Variants in FCHSD2 observed in about 807,000 individuals in gnomAD.
FCHSD2 encodes F-BAR and double SH3 domains protein 2.
In FCHSD2, 38 loss-of-function variants were observed where a neutral mutation model predicts 108.1. That is an observed-to-expected ratio of 0.35 (90% CI 0.27 to 0.46). The LOEUF (loss-of-function observed/expected upper bound fraction) is 0.46. Among genes scored for constraint, FCHSD2 ranks in the 20% least tolerant of loss-of-function variants. FCHSD2 has a pLI of 1.00. For synonymous variants in FCHSD2, 279 were observed against 314.7 expected (o/e 0.89, Z 1.20); for missense variants, 751 against 897.8 (o/e 0.84, Z 2.09).
At chr11:72,897,241 T>C (rs886972682) in intron 10 of FCHSD2, among the ~76,000 whole-genome samples, 1 of 151,552 alleles carries the variant, frequency 6.6e-6, no homozygotes, top group Non-Finnish European at 1.5e-5. Flanking sequence ...AAATAAGGTA[T>C]AGTTGTCCTT....
At chr11:72,958,965 G>A (rs12795254) in intron 8 of FCHSD2, among the ~76,000 whole-genome samples, 13 of 139,538 alleles carry the variant, frequency 9.3e-5, no homozygotes, top group Non-Finnish European at 1.6e-4. Context: ...CACTCCTACA[G>A]GATATTACAT....
chr11:73,058,945 A>C (rs1859098189), intron 3 of FCHSD2, among the ~76,000 whole-genome samples: 1 of 152,190 alleles, frequency 6.6e-6, no homozygotes, highest in Non-Finnish European at 1.5e-5. Flanking sequence ...ATTGCATATG[A>C]GTTTCCACAG....
chr11:73,054,207 A>G (rs940834744), intron 3 of FCHSD2, among the ~76,000 whole-genome samples: 1 of 151,180 alleles, frequency 6.6e-6, no homozygotes, highest in Non-Finnish European at 1.5e-5. Context: ...AATATTTACT[A>G]TCTGGTCCTT....
At chr11:72,972,614 T>C (rs1387420608) in intron 8 of FCHSD2, among the ~76,000 whole-genome samples, 1 of 152,246 alleles carries the variant, frequency 6.6e-6, no homozygotes, top group Non-Finnish European at 1.5e-5. Flanking sequence ...TATTTCGAAA[T>C]AATTACTTTA....
At chr11:73,141,769 G>A (rs948663584) in intron 1 of FCHSD2, 88 bp downstream of exon 1, 5 of 1,389,856 alleles carry the variant, frequency 3.6e-6, no homozygotes, top group Middle Eastern at 1.8e-4. Context: ...GGCCCCTTGC[G>A]GGAGGGGGAA....
At chr11:73,095,716 G>A (rs1218750808) in intron 2 of FCHSD2, among the ~76,000 whole-genome samples, 1 of 152,164 alleles carries the variant, frequency 6.6e-6, no homozygotes, top group Admixed American at 6.5e-5. Context: ...AACAACAAAA[G>A]CAGGGAACAT....
intron 9 of FCHSD2, among the ~76,000 whole-genome samples, chr11:72,920,002 C>T (rs921384393): frequency 6.6e-6 from 1 of 151,830 alleles, no homozygotes; most frequent in Non-Finnish European, 1.5e-5. Context: ...CAGAAAGACA[C>T]TTTTTTAAAA....
intron 5 of FCHSD2, among the ~76,000 whole-genome samples, chr11:72,989,953 G>C (rs1271505157): frequency 1.3e-5 from 2 of 152,196 alleles, no homozygotes; most frequent in African/African-American, 2.4e-5. Flanking sequence ...GGTGAATAGT[G>C]TGGAGGAGGG....
At chr11:73,127,378 G>A (rs926144114) in intron 2 of FCHSD2, among the ~76,000 whole-genome samples, 2 of 151,966 alleles carry the variant, frequency 1.3e-5, no homozygotes, top group Non-Finnish European at 2.9e-5. Flanking sequence ...ACCAGCTAAG[G>A]TTCCATAAAT....
chr11:72,921,737 A>T, intron 9 of FCHSD2, 91 bp downstream of exon 9: 1 of 1,034,002 alleles, frequency 9.7e-7, no homozygotes, highest in Non-Finnish European at 1.4e-6. Flanking sequence ...GCATTCTTCT[A>T]ATATCACTAG....
At chr11:72,971,867 TACATA>T (rs1857012240) in intron 8 of FCHSD2, among the ~76,000 whole-genome samples, 1 of 152,162 alleles carries the variant, frequency 6.6e-6, no homozygotes, top group Admixed American at 6.5e-5. Flanking sequence ...GGTGATTTGT[TACATA>T]GCAACGGAAA....
At position 72,952,795 on chromosome 11, in the gene FCHSD2, A is replaced by G. The variant is rs75964225; in HGVS notation, c.706-30845T>C. 5.8e-3 allele frequency among the ~76,000 whole-genome samples: 879 copies of G among 152,346 alleles called. 4 individuals are homozygous for G. Among genetic ancestry groups the G allele is most frequent in the South Asian group, 0.014 (66 of 4,824 alleles). On this transcript the variant is annotated intron_variant, in intron 8 of 19. Coordinates refer to ENST00000409418, the MANE Select transcript of FCHSD2 (RefSeq NM_014824.3). ...CACTTACACATATTTACAATTCATG[A>G]AAAGGATATTGTTCACCTTATTTCC...
rs1298431512 is a variant in FCHSD2, at chr11:73,105,727, TTG to T, written c.120-21989_120-21988del. 4.6e-5 allele frequency among the ~76,000 whole-genome samples: 7 copies of T among 152,324 alleles called. No individual in the cohort carries two copies. In the East Asian group the frequency reaches 1.3e-3, roughly 29 times the overall value. On this transcript the variant is annotated intron_variant, in intron 2 of 19. Transcript: ENST00000409418. ...AACTCACAATAGGTGTCTTACATAA[TTG>T]TGTTAATAAATTCAAATTATACTAA...
intron 12 of FCHSD2, among the ~76,000 whole-genome samples, chr11:72,884,918 G>A (rs940197337): frequency 6.6e-6 from 1 of 151,806 alleles, no homozygotes; most frequent in Non-Finnish European, 1.5e-5. Context: ...TTAATAGCAG[G>A]GTCACTCTTG....
rs773073748 is a variant in FCHSD2, at chr11:72,889,789, G to T, written c.1041+40C>A. Reference sequence around the variant, plus strand: ...AGTTCCTTAAACTGTTTGACATTTGGCTTAAGGTGAATGTAACTAGGACTT... The same window carrying T: ...AGTTCCTTAAACTGTTTGACATTTGTCTTAAGGTGAATGTAACTAGGACTT... On this transcript the variant is annotated intron_variant, in intron 11 of 19. Coordinates refer to ENST00000409418, the MANE Select transcript of FCHSD2 (RefSeq NM_014824.3). The T allele has an allele frequency of 8.9e-6, 10 of 1,120,250 alleles. No individual in the cohort carries two copies. In the Admixed American group the frequency reaches 1.6e-4, roughly 18 times the overall value. 69.4% of individuals were successfully genotyped at this position (1,120,250 alleles called of 1,614,324 possible). A position where few individuals can be genotyped will look rare whatever the true frequency, so the allele number is the denominator to read the frequency against.
At chr11:72,912,415 C>A (rs1486964491) in intron 9 of FCHSD2, among the ~76,000 whole-genome samples, 1 of 152,032 alleles carries the variant, frequency 6.6e-6, no homozygotes. Flanking sequence ...ATAGTTTTTG[C>A]CCTTCACACA....
intron 3 of FCHSD2, among the ~76,000 whole-genome samples, chr11:73,080,625 AAG>A (rs1159898385): frequency 6.6e-6 from 1 of 152,158 alleles, no homozygotes; most frequent in Non-Finnish European, 1.5e-5. Context: ...AGAATTGACA[AAG>A]AGTGAGTTAT....
At chr11:73,004,309 A>G (rs1857694330) in intron 4 of FCHSD2, among the ~76,000 whole-genome samples, 1 of 152,130 alleles carries the variant, frequency 6.6e-6, no homozygotes, top group African/African-American at 2.4e-5. Flanking sequence ...AAATTTTTCT[A>G]AGGCTACTCA....
intron 3 of FCHSD2, among the ~76,000 whole-genome samples, chr11:73,060,228 G>A (rs770260467): frequency 2.6e-5 from 4 of 152,158 alleles, no homozygotes; most frequent in Non-Finnish European, 4.4e-5. Flanking sequence ...ATTCAAGGAA[G>A]TTTAAACAAA....
Sources: allele counts gnomAD v4.1 joint callset (sites outside exome capture counted in the v4.1 genomes callset), GRCh38; gene constraint gnomAD v4.1.1; transcripts MANE v1.5; gene names NCBI Gene and HGNC (gene_info 2026-07-23, HGNC 2026-07-21).